Variants in CNOT6 observed in about 807,000 individuals in gnomAD.
CNOT6 encodes CCR4-NOT transcription complex subunit 6, also known as carbon catabolite repression 4 protein.
Under a neutral mutation model 61.2 loss-of-function variants are expected in CNOT6, and 12 were observed. That is an observed-to-expected ratio of 0.20 (90% CI 0.13 to 0.32). The LOEUF (loss-of-function observed/expected upper bound fraction) is 0.32. Ranked by LOEUF, CNOT6 falls within the 10% of genes least tolerant of loss-of-function variation. The pLI is 1.00. For missense variants in CNOT6, 405 were observed against 663.9 expected (o/e 0.61, Z 4.28); for synonymous variants, 225 against 240.6 (o/e 0.94, Z 0.60).
At chr5:180,539,611 A>T (rs1581524605) in intron 2 of CNOT6, among the ~76,000 whole-genome samples, 1 of 80,500 alleles carries the variant, frequency 1.2e-5, no homozygotes, top group African/African-American at 5.3e-5. Flanking sequence ...TTTTTTTGAG[A>T]CGGAGTCTTG....
chr5:180,499,788 CAGAA>C (rs1756780612), intron 1 of CNOT6, among the ~76,000 whole-genome samples: 1 of 152,158 alleles, frequency 6.6e-6, no homozygotes, highest in East Asian at 1.9e-4. Flanking sequence ...AAAGGGATGT[CAGAA>C]AGGTTGCTGC....
chr5:180,569,515 A>G (rs1224891674), intron 10 of CNOT6, among the ~76,000 whole-genome samples, 175 bp downstream of exon 10: 1 of 152,166 alleles, frequency 6.6e-6, no homozygotes, highest in Non-Finnish European at 1.5e-5. Context: ...AGATGAAACG[A>G]TATTATGGAA....
chr5:180,570,073 A>G (rs192941401), intron 10 of CNOT6, among the ~76,000 whole-genome samples: 2 of 152,236 alleles, frequency 1.3e-5, no homozygotes, highest in Admixed American at 1.3e-4. Flanking sequence ...GAAGAAAGAA[A>G]CTGGCTGGGT....
Position 180,494,610 on chromosome 5 carries a change from CA to C in CNOT6, c.-153del, listed in dbSNP as rs1209674780. 1 of 156,432 alleles carries C rather than the reference CA, an allele frequency of 6.4e-6. No homozygotes were observed. Among genetic ancestry groups the C allele is most frequent in the Non-Finnish European group, 1.4e-5 (1 of 72,008 alleles). The allele number at this position is 156,432 out of a possible 1,614,324, so 9.7% of individuals were successfully genotyped here. On this transcript the variant is annotated 5_prime_UTR_variant, in exon 1 of 12. Transcript: ENST00000261951. ...GAAGCAGTGGCTCTCGGAGGGGGAA[CA>C]AAGAGCAGCGACTAAGGCGGCAGAG... is the stretch of plus-strand genomic sequence containing the variant.
At chr5:180,530,680 G>A (rs1194955761) in intron 2 of CNOT6, among the ~76,000 whole-genome samples, 1 of 151,958 alleles carries the variant, frequency 6.6e-6, no homozygotes, top group African/African-American at 2.4e-5. Context: ...ATGTGAACAA[G>A]GGTCTCTGGT....
rs938667868 is a variant in CNOT6, at chr5:180,497,818, C to T, written c.-3+3055C>T. On this transcript the variant is annotated intron_variant, in intron 1 of 11. Transcript: ENST00000261951. The stretch of plus-strand genomic sequence containing the variant: ...CAGCACTTTGGGAGGCCGAGGCGGG[C>T]GGATCACTTGAGGTTAGGAGTTCGA... 5.9e-5 allele frequency among the ~76,000 whole-genome samples: 9 copies of T among 151,866 alleles called. No individual in the cohort carries two copies. In the East Asian group the frequency reaches 9.6e-4, roughly 16 times the overall value.
intron 2 of CNOT6, among the ~76,000 whole-genome samples, chr5:180,544,594 T>A (rs1227593852): frequency 6.6e-6 from 1 of 152,238 alleles, no homozygotes; most frequent in Non-Finnish European, 1.5e-5. Context: ...TCTGGCTACC[T>A]TCTACCTTCT....
chr5:180,568,084 T>G lies in CNOT6; in HGVS notation c.1027+81T>G, dbSNP rs1329369022. The G allele has an allele frequency of 2.8e-6, 4 of 1,416,542 alleles. No individual in the cohort carries two copies. The East Asian group carries it at 9.3e-5, about 33-fold the overall frequency. The allele number at this position is 1,416,542 out of a possible 1,614,324, so 87.7% of individuals were successfully genotyped here. ...AGAATAGAAAACAGAAATTTCATTG[T>G]GTATTCATGGTCTTGTCTAACACCT... On this transcript the variant is annotated intron_variant, in intron 9 of 11. Coordinates refer to ENST00000261951, the MANE Select transcript of CNOT6 (RefSeq NM_001370472.1).
At chr5:180,499,061 G>A (rs1416850608) in intron 1 of CNOT6, among the ~76,000 whole-genome samples, 1 of 152,188 alleles carries the variant, frequency 6.6e-6, no homozygotes, top group African/African-American at 2.4e-5. Flanking sequence ...AAAGTGCTGG[G>A]ATTACAGGCG....
Position 180,574,104 on chromosome 5 carries a change from C to T in CNOT6, c.1578C>T (p.Leu526=). ...ENNISGCPHP[L]IPSDHFSLFA... is the part of the protein sequence containing the mutation. ...ACATCAGTGGCTGCCCGCACCCCCT[C>T]ATCCCCTCTGACCACTTCTCACTTT... is the stretch of plus-strand genomic sequence containing the variant. The change falls in exon 12 of 12, where the codon CTC becomes CTT. Residue 526 remains leucine, a synonymous_variant. Transcript: ENST00000261951. 1 of 1,614,108 alleles carries T rather than the reference C, an allele frequency of 6.2e-7. No homozygotes were observed. The highest frequency in any genetic ancestry group is 8.5e-7 in the Non-Finnish European group (1 of 1,179,970).
intron 4 of CNOT6, 56 bp from the exon 5 acceptor site, chr5:180,564,433 A>T (rs920645176): frequency 8.3e-7 from 1 of 1,207,232 alleles, no homozygotes; most frequent in South Asian, 1.3e-5. Flanking sequence ...ACATTTTAAA[A>T]TTTTGAAACA....
intron 11 of CNOT6, among the ~76,000 whole-genome samples, chr5:180,571,655 A>G (rs1204648649): frequency 6.6e-6 from 1 of 151,988 alleles, no homozygotes; most frequent in African/African-American, 2.4e-5. Flanking sequence ...AGCTTCAACC[A>G]TGCCGGCTCA....
chr5:180,499,364 G>A (rs903066395), intron 1 of CNOT6, among the ~76,000 whole-genome samples: 7 of 152,202 alleles, frequency 4.6e-5, no homozygotes, highest in African/African-American at 1.7e-4. Flanking sequence ...TGAAATCAAA[G>A]CCACCAAGCT....
intron 3 of CNOT6, among the ~76,000 whole-genome samples, chr5:180,551,470 T>G (rs1759600289): frequency 6.6e-6 from 1 of 152,194 alleles, no homozygotes; most frequent in South Asian, 2.1e-4. Flanking sequence ...ACTCCTAGCC[T>G]CAAAAGATCC....
At chr5:180,525,702 T>C (rs1758068425) in intron 1 of CNOT6, among the ~76,000 whole-genome samples, 1 of 152,166 alleles carries the variant, frequency 6.6e-6, no homozygotes, top group Non-Finnish European at 1.5e-5. Context: ...AGTTTCTGTT[T>C]TCTGGTAAAA....
chr5:180,550,034 G>C lies in CNOT6; in HGVS notation c.216G>C (p.Lys72Asn). The change falls in exon 3 of 12, where the codon AAG (lysine) becomes AAC (asparagine). Residue 72 changes from lysine to asparagine, a missense_variant. Lys to Asn is a moderately conservative substitution (Grantham distance 94). Around this residue, in one of 5 missense-constraint regions of CNOT6, gnomAD observed 212 missense variants for 307.1 expected, o/e 0.69. Transcript: ENST00000261951. ...CCCGAATTCCTTCAGACATTGCCAA[G>C]CTTCACAATCTGGTGTATTTGGACC... ...SLSRIPSDIA[K>N]LHNLVYLDLS... 6.2e-7 allele frequency: 1 copy of C among 1,614,078 alleles called. No individual in the cohort carries two copies. Among genetic ancestry groups the C allele is most frequent in the Non-Finnish European group, 8.5e-7 (1 of 1,179,992 alleles).
At chr5:180,549,476 C>G (rs150866800) in intron 2 of CNOT6, among the ~76,000 whole-genome samples, 245 of 152,078 alleles carry the variant, frequency 1.6e-3, no homozygotes, top group African/African-American at 5.5e-3. Context: ...CGTGAAACCC[C>G]GTCTCTACTA....
At chr5:180,518,638 T>C (rs1757752072) in intron 1 of CNOT6, among the ~76,000 whole-genome samples, 1 of 152,042 alleles carries the variant, frequency 6.6e-6, no homozygotes, top group Non-Finnish European at 1.5e-5. Flanking sequence ...GAGCCTCAGG[T>C]GGCATGTGCC....
intron 8 of CNOT6, among the ~76,000 whole-genome samples, chr5:180,567,579 A>G (rs1207986283): frequency 2.6e-5 from 4 of 152,250 alleles, no homozygotes; most frequent in African/African-American, 9.6e-5. Flanking sequence ...ATTACAAGGT[A>G]GAATATTCCA....
Sources: gnomAD v4.1 joint callset for allele counts (sites outside exome capture counted in the v4.1 genomes callset) on GRCh38, gnomAD v4.1.1 for gene constraint, gnomAD v4.1.1 regional missense constraint, MANE v1.5 for transcripts, NCBI Gene and HGNC (gene_info 2026-07-23, HGNC 2026-07-21) for gene names.